DIAPH1: variants seen among roughly 807,000 people sequenced by gnomAD.
The protein encoded by DIAPH1 is diaphanous related formin 1.
Under a neutral mutation model 140.7 loss-of-function variants are expected in DIAPH1, and 46 were observed. The ratio of observed to expected loss-of-function variants is 0.33; its 90% CI spans 0.26 to 0.42. DIAPH1 has a LOEUF of 0.42. DIAPH1 is among the 10% of genes least tolerant of loss of function. DIAPH1 has a pLI of 1.00. For synonymous variants in DIAPH1, 565 were observed against 551.6 expected (o/e 1.02, Z -0.34); for missense variants, 1,310 against 1,558.7 (o/e 0.84, Z 2.69).
chr5:141,532,538 C>A (rs1007022930), intron 19 of DIAPH1, among the ~76,000 whole-genome samples: 3 of 152,102 alleles, frequency 2.0e-5, no homozygotes, highest in African/African-American at 7.2e-5. Context: ...GGGATTTGCC[C>A]CTCCAACACT....
At chr5:141,542,493 T>C (rs1024193507) in intron 18 of DIAPH1, among the ~76,000 whole-genome samples, 3 of 151,746 alleles carry the variant, frequency 2.0e-5, no homozygotes, top group African/African-American at 7.3e-5. Flanking sequence ...AACTGTGGCA[T>C]ATGCAATGGA....
At chr5:141,547,836 A>G (rs1359526533) in intron 18 of DIAPH1, among the ~76,000 whole-genome samples, 1 of 152,212 alleles carries the variant, frequency 6.6e-6, no homozygotes, top group Non-Finnish European at 1.5e-5. Context: ...ACTCAAGTAT[A>G]AATACAAAGA....
intron 18 of DIAPH1, among the ~76,000 whole-genome samples, chr5:141,556,815 C>G (rs558242339): frequency 6.6e-6 from 1 of 152,172 alleles, no homozygotes; most frequent in African/African-American, 2.4e-5. Flanking sequence ...CCTCAGCCTC[C>G]CGAGTAGCTG....
intron 18 of DIAPH1, chr5:141,564,364 A>G (rs964791536): frequency 6.6e-6 from 1 of 152,246 alleles, no homozygotes; most frequent in African/African-American, 2.4e-5. Flanking sequence ...AAACGCAACA[A>G]TGACACATCT....
intron 1 of DIAPH1, among the ~76,000 whole-genome samples, chr5:141,606,826 A>T (rs1407777429): frequency 1.3e-5 from 2 of 152,146 alleles, no homozygotes; most frequent in Non-Finnish European, 2.9e-5. Flanking sequence ...CTGGTCACAT[A>T]TAGTTACATT....
chr5:141,587,262 A>G, intron 2 of DIAPH1, 65 bp from the exon 3 acceptor site: 1 of 1,551,952 alleles, frequency 6.4e-7, no homozygotes, highest in South Asian at 1.1e-5. Context: ...CACACATCAA[A>G]TTCTTTACCC....
intron 27 of DIAPH1, among the ~76,000 whole-genome samples, chr5:141,523,051 T>C (rs1210210754): frequency 6.6e-6 from 1 of 152,038 alleles, no homozygotes; most frequent in Non-Finnish European, 1.5e-5. Flanking sequence ...TGCTCTAAGG[T>C]CCCCCTTTCC....
chr5:141,541,106 AAG>A (rs1178375356), intron 18 of DIAPH1, among the ~76,000 whole-genome samples: 1 of 152,212 alleles, frequency 6.6e-6, no homozygotes, highest in Non-Finnish European at 1.5e-5. Context: ...TTAAAAATGA[AAG>A]AGTCCTGCCA....
chr5:141,596,638 A>G (rs190873673), intron 1 of DIAPH1, among the ~76,000 whole-genome samples: 1 of 152,340 alleles, frequency 6.6e-6, no homozygotes, highest in East Asian at 1.9e-4. Flanking sequence ...TATTTTAGAT[A>G]TATTAATTTC....
intron 1 of DIAPH1, among the ~76,000 whole-genome samples, chr5:141,610,895 T>C (rs1015344921): frequency 1.4e-5 from 2 of 146,632 alleles, no homozygotes; most frequent in African/African-American, 2.5e-5. Context: ...GGCAACATAG[T>C]GAAACCCCAC....
chr5:141,568,736 G>A (rs766110405), intron 18 of DIAPH1, among the ~76,000 whole-genome samples: 5 of 152,072 alleles, frequency 3.3e-5, no homozygotes, highest in African/African-American at 4.8e-5. Context: ...TAGGTATACC[G>A]AAGGTTTTAG....
intron 16 of DIAPH1, 72 bp downstream of exon 16, chr5:141,573,420 G>C (rs2099895493): frequency 8.4e-6 from 13 of 1,553,938 alleles, no homozygotes; most frequent in Admixed American, 1.8e-5. Context: ...GGGCGACAGA[G>C]CGAAACTCCG....
intron 18 of DIAPH1, among the ~76,000 whole-genome samples, chr5:141,556,306 T>TA (rs764717450): frequency 2.0e-5 from 3 of 151,834 alleles, no homozygotes; most frequent in East Asian, 1.9e-4. Context: ...GCTACTTAAG[T>TA]AAAAAAAGTA....
chr5:141,533,420 C>T (rs1017953239), intron 19 of DIAPH1, among the ~76,000 whole-genome samples: 2 of 152,162 alleles, frequency 1.3e-5, no homozygotes, highest in African/African-American at 4.8e-5. Context: ...TACGAGTATA[C>T]GTGGAAACTT....
chr5:141,516,838 C>A lies in DIAPH1; in HGVS notation c.*13G>T. ...GGCTCCGCTGAGGAGCTGCCGCGGTCACAGGACCCACATTAGCTTGCACGG... is the reference window on the plus strand; with the variant it reads ...GGCTCCGCTGAGGAGCTGCCGCGGTAACAGGACCCACATTAGCTTGCACGG... On this transcript the variant is annotated 3_prime_UTR_variant, in exon 28 of 28. Transcript: ENST00000389054. The A allele has an allele frequency of 6.2e-7, 1 of 1,613,858 alleles. No homozygotes were observed.
At chr5:141,577,784 G>A (rs895557140) in intron 11 of DIAPH1, among the ~76,000 whole-genome samples, 193 bp from the exon 12 acceptor site, 6 of 152,142 alleles carry the variant, frequency 3.9e-5, no homozygotes, top group African/African-American at 1.4e-4. Context: ...TGAATTGGGT[G>A]GTACTATACA....
intron 1 of DIAPH1, among the ~76,000 whole-genome samples, chr5:141,595,193 A>C (rs1356155822): frequency 1.3e-5 from 2 of 152,196 alleles, no homozygotes; most frequent in Non-Finnish European, 2.9e-5. Context: ...GCAGGTTATG[A>C]ATAAATAGAG....
At chr5:141,532,936 ATACTT>A (rs2099888457) in intron 19 of DIAPH1, among the ~76,000 whole-genome samples, 2 of 152,220 alleles carry the variant, frequency 1.3e-5, no homozygotes, top group African/African-American at 4.8e-5. Flanking sequence ...CTGACTCACA[ATACTT>A]TAATCTCCAT....
intron 18 of DIAPH1, 77 bp from the exon 19 acceptor site, chr5:141,534,510 G>T: frequency 8.9e-7 from 1 of 1,124,216 alleles, no homozygotes; most frequent in Non-Finnish European, 1.3e-6. Flanking sequence ...ACTGTCCAGC[G>T]TGAAATGGCC....
Sources: gnomAD v4.1 joint callset for allele counts (sites outside exome capture counted in the v4.1 genomes callset) on GRCh38, gnomAD v4.1.1 for gene constraint, MANE v1.5 for transcripts, NCBI Gene and HGNC (gene_info 2026-07-23, HGNC 2026-07-21) for gene names.